FBN2: variants seen among roughly 807,000 people sequenced by gnomAD.
The protein encoded by FBN2 is fibrillin 2, also known as fibrillin-2.
In FBN2, 105 loss-of-function variants were observed where a neutral mutation model predicts 355.6. That is an observed-to-expected ratio of 0.30 (90% CI 0.25 to 0.35). FBN2 has a LOEUF of 0.35. Among genes scored for constraint, FBN2 ranks in the 10% least tolerant of loss-of-function variants. FBN2 has a pLI of 1.00. For missense variants in FBN2, 3,280 were observed against 3,758.7 expected (o/e 0.87, Z 3.33); for synonymous variants, 1,350 against 1,301.2 (o/e 1.04, Z -0.81).
intron 6 of FBN2, 24 bp downstream of exon 6, chr5:128,464,700 T>C (rs750070353): frequency 6.8e-6 from 11 of 1,608,582 alleles, no homozygotes; most frequent in Non-Finnish European, 8.5e-6. Context: ...TGCGATGGTG[T>C]GCACAGGCAG....
chr5:128,354,297 G>A lies in FBN2; in HGVS notation c.2674+2979C>T, dbSNP rs78121964. On this transcript the variant is annotated intron_variant, in intron 20 of 64. Transcript: ENST00000262464. Reference sequence around the variant, plus strand: ...TCAGGTGGGCATGTGTCTGACGCAGGAGCAGGAAGTAGGCCAGTCTGGCTC... The same window carrying A: ...TCAGGTGGGCATGTGTCTGACGCAGAAGCAGGAAGTAGGCCAGTCTGGCTC... Among the ~76,000 whole-genome samples, 894 of 152,258 alleles carry A rather than the reference G, an allele frequency of 5.9e-3. 4 individuals carry two copies. The highest frequency in any genetic ancestry group is 0.01 in the Middle Eastern group (3 of 294).
In FBN2 at chr5:128,328,698, T is replaced by C; in HGVS notation, c.4469A>G (p.Gln1490Arg). 6.2e-7 allele frequency: 1 copy of C among 1,614,156 alleles called. No individual in the cohort carries two copies. Residue 1490 changes from glutamine to arginine, a missense_variant and splice_region_variant, in exon 34 of 65, where the codon CAA becomes CGA. Gln to Arg is a conservative substitution (Grantham distance 43, BLOSUM62 1). Transcript: ENST00000262464. ...GAGTTGGAATCCTGGTGACCCACCT[T>C]GGCAGGATCTGCTGTCTGAGGCTGG... Reference protein sequence around the residue: ...FTPASDSRSCQDIDECSFQNI... With the variant: ...FTPASDSRSCRDIDECSFQNI...
intron 7 of FBN2, among the ~76,000 whole-genome samples, chr5:128,417,048 C>T (rs1489874997): frequency 6.6e-6 from 1 of 152,046 alleles, no homozygotes; most frequent in Non-Finnish European, 1.5e-5. Flanking sequence ...TTGCAGTTTT[C>T]CTTATGGAAG....
At chr5:128,368,819 T>C (rs893370675) in intron 16 of FBN2, among the ~76,000 whole-genome samples, 2 of 150,886 alleles carry the variant, frequency 1.3e-5, no homozygotes, top group African/African-American at 2.4e-5. Context: ...TACAGGTGTG[T>C]GCCACCACAC....
intron 48 of FBN2, among the ~76,000 whole-genome samples, chr5:128,294,497 C>G (rs1749439372): frequency 6.6e-6 from 1 of 151,834 alleles, no homozygotes; most frequent in Admixed American, 6.6e-5. Context: ...TCCCCAGCAC[C>G]TGTTGTTTCC....
At chr5:128,267,687 C>A (rs1765152469) in intron 62 of FBN2, among the ~76,000 whole-genome samples, 1 of 151,960 alleles carries the variant, frequency 6.6e-6, no homozygotes, top group African/African-American at 2.4e-5. Context: ...TTCCCACAAA[C>A]TTGTTTAAGT....
At chr5:128,270,235 C>T (rs1004430323) in intron 62 of FBN2, among the ~76,000 whole-genome samples, 1 of 152,144 alleles carries the variant, frequency 6.6e-6, no homozygotes, top group African/African-American at 2.4e-5. Flanking sequence ...CCATAAAAAA[C>T]CCTAGAAGAG....
intron 46 of FBN2, 89 bp downstream of exon 46, chr5:128,302,884 T>C: frequency 1.3e-6 from 1 of 744,918 alleles, no homozygotes; most frequent in Non-Finnish European, 2.3e-6. Flanking sequence ...AGTAATATAA[T>C]TTTTTTTTGT....
chr5:128,416,081 C>T (rs564975128), intron 7 of FBN2, among the ~76,000 whole-genome samples: 25 of 149,326 alleles, frequency 1.7e-4, no homozygotes, highest in Non-Finnish European at 2.8e-4. Flanking sequence ...GGCTGGAGTG[C>T]AATGGGGCGA....
intron 3 of FBN2, among the ~76,000 whole-genome samples, chr5:128,530,283 C>T (rs527773610): frequency 1.5e-3 from 227 of 152,264 alleles, no homozygotes; most frequent in African/African-American, 5.1e-3. Flanking sequence ...GTTCTCCTCT[C>T]CTTCCCCCTT....
intron 16 of FBN2, among the ~76,000 whole-genome samples, chr5:128,367,366 C>T (rs996970011): frequency 1.3e-5 from 2 of 152,022 alleles, no homozygotes; most frequent in Admixed American, 1.3e-4. Flanking sequence ...GGAGAGTGGG[C>T]ATCTTTTTAC....
chr5:128,504,109 G>A (rs1365220526), intron 5 of FBN2, among the ~76,000 whole-genome samples: 2 of 152,202 alleles, frequency 1.3e-5, no homozygotes, highest in Non-Finnish European at 2.9e-5. Flanking sequence ...TGTTGGGCCT[G>A]TGAGTGCACA....
At chr5:128,486,969 T>C (rs1398118562) in intron 5 of FBN2, among the ~76,000 whole-genome samples, 1 of 152,176 alleles carries the variant, frequency 6.6e-6, no homozygotes, top group African/African-American at 2.4e-5. Flanking sequence ...GAATGGCTAG[T>C]TTCTTCTCAT....
intron 19 of FBN2, among the ~76,000 whole-genome samples, chr5:128,361,119 T>C (rs1406844043): frequency 1.3e-5 from 2 of 152,210 alleles, no homozygotes; most frequent in Admixed American, 6.5e-5. Flanking sequence ...TTAAGTAACT[T>C]CCACTGCAAA....
chr5:128,516,456 G>T (rs1756282881), intron 5 of FBN2, among the ~76,000 whole-genome samples: 1 of 151,486 alleles, frequency 6.6e-6, no homozygotes, highest in Admixed American at 6.6e-5. Context: ...AGAAGTTCAG[G>T]TTACCCACAC....
At chr5:128,298,324 C>T (rs978427634) in intron 48 of FBN2, among the ~76,000 whole-genome samples, 13 of 151,796 alleles carry the variant, frequency 8.6e-5, no homozygotes, top group African/African-American at 2.9e-4. Context: ...CTTGGTGTTG[C>T]TCTTCTCGAG....
intron 5 of FBN2, among the ~76,000 whole-genome samples, chr5:128,509,654 A>ATT (rs34671399): frequency 1.7e-4 from 26 of 151,600 alleles, no homozygotes; most frequent in Middle Eastern, 3.2e-3. Context: ...ATGTATTGGG[A>ATT]TTTTTTTTAC....
chr5:128,311,032 T>TA (rs1482592905), intron 39 of FBN2, among the ~76,000 whole-genome samples: 26 of 152,254 alleles, frequency 1.7e-4, no homozygotes. Flanking sequence ...ATAACTTACT[T>TA]AATATTTTAG....
chr5:128,280,920 GCTT>G (rs1488851220), intron 55 of FBN2, among the ~76,000 whole-genome samples: 1 of 151,998 alleles, frequency 6.6e-6, no homozygotes, highest in Admixed American at 6.6e-5. Flanking sequence ...TACTTTTTGT[GCTT>G]TTTTGATATT....
Sources: gnomAD v4.1 joint callset for allele counts (sites outside exome capture counted in the v4.1 genomes callset) on GRCh38, gnomAD v4.1.1 for gene constraint, MANE v1.5 for transcripts, NCBI Gene and HGNC (gene_info 2026-07-23, HGNC 2026-07-21) for gene names.